Variants in SNX29 observed in about 807,000 individuals in gnomAD.
The protein encoded by SNX29 is sorting nexin-29.
SNX29 carries 78 observed loss-of-function variants against 102.1 expected under a neutral mutation model. The observed-to-expected ratio is 0.76, with a 90% CI of 0.64 to 0.92. The LOEUF (loss-of-function observed/expected upper bound fraction) is 0.92, where lower values mean the gene tolerates loss of function less well. Among genes scored for constraint, SNX29 ranks in the 40% least tolerant of loss-of-function variants. The pLI is 0.00. For missense variants in SNX29, 1,280 were observed against 1,061.7 expected (o/e 1.21, Z -2.86); for synonymous variants, 580 against 414.5 (o/e 1.40, Z -4.85).
At chr16:12,549,266 T>A (rs2077809301) in intron 20 of SNX29, among the ~76,000 whole-genome samples, 1 of 152,050 alleles carries the variant, frequency 6.6e-6, no homozygotes, top group East Asian at 1.9e-4. Context: ...GAGGCTGAGG[T>A]GGTAGATCAC....
chr16:12,494,632 G>T (rs747186278), intron 19 of SNX29, among the ~76,000 whole-genome samples: 1 of 152,150 alleles, frequency 6.6e-6, no homozygotes, highest in Admixed American at 6.5e-5. Context: ...GCCACGTTCA[G>T]CTTAACCACC....
intron 13 of SNX29, among the ~76,000 whole-genome samples, chr16:12,175,311 G>A (rs918516921): frequency 6.6e-6 from 1 of 152,122 alleles, no homozygotes; most frequent in Admixed American, 6.6e-5. Context: ...TCTGGAGATA[G>A]GGCTTTTAAG....
intron 16 of SNX29, among the ~76,000 whole-genome samples, chr16:12,378,894 C>T (rs966470779): frequency 3.3e-5 from 5 of 152,136 alleles, no homozygotes; most frequent in Non-Finnish European, 7.3e-5. Flanking sequence ...AAGTCTCTGC[C>T]CAGGGTTGCC....
intron 15 of SNX29, among the ~76,000 whole-genome samples, chr16:12,338,697 A>G (rs1048561468): frequency 6.6e-6 from 1 of 152,170 alleles, no homozygotes; most frequent in Admixed American, 6.5e-5. Context: ...TTGATAAGGG[A>G]CATCATCCTT....
chr16:12,551,770 G>A (rs547714539), intron 20 of SNX29, among the ~76,000 whole-genome samples: 101 of 152,324 alleles, frequency 6.6e-4, no homozygotes, highest in African/African-American at 2.3e-3. Flanking sequence ...ACACATACCA[G>A]GGGCCCGCTT....
intron 11 of SNX29, among the ~76,000 whole-genome samples, chr16:12,124,019 C>T (rs974150759): frequency 2.0e-5 from 3 of 152,026 alleles, no homozygotes; most frequent in African/African-American, 4.8e-5. Context: ...GATCTCAAAC[C>T]GAAGTGTGAG....
chr16:12,523,277 C>T (rs986486620), intron 19 of SNX29, among the ~76,000 whole-genome samples: 33 of 152,238 alleles, frequency 2.2e-4, no homozygotes, highest in African/African-American at 7.2e-4. Context: ...GGCGAGGTAC[C>T]GAGGCCCACT....
chr16:12,559,751 C>G lies in SNX29; in HGVS notation c.2319-8755C>G, dbSNP rs184680311. Among the ~76,000 whole-genome samples the G allele has an allele frequency of 3.5e-3, 539 of 152,236 alleles. 4 individuals carry two copies. The highest frequency in any genetic ancestry group is 0.012 in the African/African-American group (518 of 41,544). ...AATAGATGAAATAGTGATGCCCAGC[C>G]TGACAGCAGTCACTCTGAAAGCATT... On this transcript the variant is annotated intron_variant, in intron 20 of 20. Transcript: ENST00000566228.
chr16:12,561,762 C>T (rs1027806871), intron 20 of SNX29, among the ~76,000 whole-genome samples: 5 of 152,050 alleles, frequency 3.3e-5, no homozygotes, highest in Admixed American at 6.5e-5. Flanking sequence ...CTGAAATGAA[C>T]ACCAAAGCAC....
chr16:12,329,328 C>T (rs1013825900), intron 15 of SNX29, among the ~76,000 whole-genome samples: 2 of 149,838 alleles, frequency 1.3e-5, no homozygotes, highest in African/African-American at 4.9e-5. Context: ...TCTAGGCGTC[C>T]ATCTCAGCAG....
intron 14 of SNX29, among the ~76,000 whole-genome samples, 192 bp from the exon 15 acceptor site, chr16:12,277,741 T>G (rs1358695957): frequency 1.3e-5 from 2 of 152,126 alleles, no homozygotes; most frequent in Non-Finnish European, 2.9e-5. Flanking sequence ...TTCCTGGCCT[T>G]GTCACTCGTT....
chr16:12,302,926 C>T (rs1234021247), intron 15 of SNX29, among the ~76,000 whole-genome samples: 1 of 152,112 alleles, frequency 6.6e-6, no homozygotes. Context: ...GAGGATAAGC[C>T]CAAGCTTGTC....
At chr16:12,065,021 A>C (rs2050963600) in intron 9 of SNX29, among the ~76,000 whole-genome samples, 1 of 152,218 alleles carries the variant, frequency 6.6e-6, no homozygotes, top group African/African-American at 2.4e-5. Flanking sequence ...AGGCAAAGGC[A>C]CTGGCTGGGA....
intron 20 of SNX29, among the ~76,000 whole-genome samples, chr16:12,537,532 AT>A: frequency 6.6e-6 from 1 of 152,296 alleles, no homozygotes; most frequent in South Asian, 2.1e-4. Flanking sequence ...TAAAGGAAAT[AT>A]TACCTACTAT....
At chr16:12,431,191 G>T (rs1446482549) in intron 18 of SNX29, among the ~76,000 whole-genome samples, 1 of 152,072 alleles carries the variant, frequency 6.6e-6, no homozygotes, top group Non-Finnish European at 1.5e-5. Flanking sequence ...TGAGTGGGGT[G>T]GGGGCCCTGT....
At chr16:12,014,538 G>A (rs909039763) in intron 3 of SNX29, among the ~76,000 whole-genome samples, 3 of 151,822 alleles carry the variant, frequency 2.0e-5, no homozygotes, top group Admixed American at 1.3e-4. Flanking sequence ...TTGGAGACCC[G>A]CCTGACCAAC....
intron 8 of SNX29, among the ~76,000 whole-genome samples, chr16:12,059,238 T>C (rs2050666093): frequency 6.6e-6 from 1 of 152,160 alleles, no homozygotes. Context: ...CCTGAGGCAG[T>C]GGAGTGGCCT....
At chr16:12,489,300 T>A (rs1436680850) in intron 19 of SNX29, among the ~76,000 whole-genome samples, 3 of 150,574 alleles carry the variant, frequency 2.0e-5, no homozygotes, top group Non-Finnish European at 4.4e-5. Flanking sequence ...AAAAAAAAAA[T>A]TCAGCCTCTC....
chr16:12,241,013 T>A (rs1373634449), intron 14 of SNX29, among the ~76,000 whole-genome samples: 5 of 152,258 alleles, frequency 3.3e-5, no homozygotes, highest in Non-Finnish European at 7.3e-5. Flanking sequence ...TGACTTTTTT[T>A]GTGTGGAATT....
Sources: gnomAD v4.1 joint callset for allele counts (sites outside exome capture counted in the v4.1 genomes callset) on GRCh38, gnomAD v4.1.1 for gene constraint, MANE v1.5 for transcripts, NCBI Gene and HGNC (gene_info 2026-07-23, HGNC 2026-07-21) for gene names.